The following HS6ST3 variants were observed in gnomAD, a reference collection of about 807,000 sequenced individuals.
HS6ST3 encodes heparan sulfate 6-O-sulfotransferase 3.
A neutral mutation model predicts 36.7 loss-of-function variants in HS6ST3; 12 were observed. The ratio of observed to expected loss-of-function variants is 0.33; its 90% CI spans 0.21 to 0.53. The LOEUF (loss-of-function observed/expected upper bound fraction) is 0.53, where lower values mean the gene tolerates loss of function less well. Among genes scored for constraint, HS6ST3 ranks in the 20% least tolerant of loss-of-function variants. HS6ST3 has a pLI of 0.95. For synonymous variants in HS6ST3, 240 were observed against 257.5 expected, an observed-to-expected ratio of 0.93 and a Z score of 0.65; for missense variants, 584 against 640.9, an observed-to-expected ratio of 0.91 and a Z score of 0.96.
chr13:96,205,318 A>G (rs1451445200), intron 1 of HS6ST3, among the ~76,000 whole-genome samples: 2 of 152,160 alleles, frequency 1.3e-5, no homozygotes, highest in East Asian at 3.9e-4. Flanking sequence ...CAAATTCTGA[A>G]ATTGAGACAG....
chr13:96,694,612 CCA>C (rs1191046567), intron 1 of HS6ST3, among the ~76,000 whole-genome samples: 1 of 152,126 alleles, frequency 6.6e-6, no homozygotes, highest in Non-Finnish European at 1.5e-5. Context: ...TGAAGAACTG[CCA>C]CACTGTTTTC....
intron 1 of HS6ST3, among the ~76,000 whole-genome samples, chr13:96,109,500 G>A (rs2053858069): frequency 6.6e-6 from 1 of 152,206 alleles, no homozygotes; most frequent in Non-Finnish European, 1.5e-5. Context: ...ATGTGTGCAA[G>A]GGAACTCATT....
intron 1 of HS6ST3, among the ~76,000 whole-genome samples, chr13:96,468,694 C>A (rs1429839899): frequency 1.3e-5 from 2 of 152,142 alleles, no homozygotes; most frequent in Non-Finnish European, 2.9e-5. Context: ...GAGAAATCTA[C>A]TATACGTATC....
intron 1 of HS6ST3, among the ~76,000 whole-genome samples, chr13:96,681,306 G>C (rs74321575): frequency 0.036 from 5,551 of 152,240 alleles, 153 homozygotes; most frequent in Non-Finnish European, 0.056. Context: ...GATGTAGACT[G>C]TTCTTTCTCT....
intron 1 of HS6ST3, among the ~76,000 whole-genome samples, chr13:96,801,695 G>A (rs56157530): frequency 0.088 from 13,404 of 152,078 alleles, 666 homozygotes; most frequent in Non-Finnish European, 0.12. Flanking sequence ...GACAGAGTCA[G>A]GATCCATCTC....
chr13:96,703,715 T>C (rs757523636), intron 1 of HS6ST3, among the ~76,000 whole-genome samples: 8 of 152,198 alleles, frequency 5.3e-5, no homozygotes, highest in Non-Finnish European at 1.0e-4. Flanking sequence ...AGCATGTTGA[T>C]ATTAGTCCTT....
intron 1 of HS6ST3, among the ~76,000 whole-genome samples, chr13:96,831,682 C>T (rs975355391): frequency 2.0e-5 from 3 of 152,182 alleles, no homozygotes; most frequent in East Asian, 3.9e-4. Flanking sequence ...CCAGCAGGCA[C>T]GCTGGCTCAT....
intron 1 of HS6ST3, among the ~76,000 whole-genome samples, chr13:96,306,036 A>G (rs1232885354): frequency 2.7e-5 from 4 of 150,808 alleles, no homozygotes; most frequent in Admixed American, 6.6e-5. Context: ...GGCTCAAGCA[A>G]TTCTCCCACC....
intron 1 of HS6ST3, among the ~76,000 whole-genome samples, chr13:96,252,950 C>A (rs1424638582): frequency 2.6e-5 from 4 of 152,120 alleles, no homozygotes; most frequent in Non-Finnish European, 5.9e-5. Flanking sequence ...CTAATTAAAC[C>A]TCTTTTCTTT....
At chr13:96,382,285 T>G (rs1925133) in intron 1 of HS6ST3, among the ~76,000 whole-genome samples, 51,423 of 152,074 alleles carry the variant, frequency 0.34, 9,401 homozygotes, top group Non-Finnish European at 0.42. Context: ...ACCATACTCT[T>G]TGACTGAGAA....
intron 1 of HS6ST3, among the ~76,000 whole-genome samples, chr13:96,632,029 G>A (rs1477565483): frequency 3.3e-5 from 5 of 152,110 alleles, no homozygotes; most frequent in South Asian, 2.1e-4. Context: ...AAACTTAGTG[G>A]CCAATGCATC....
At chr13:96,644,212 T>C (rs1594825676) in intron 1 of HS6ST3, among the ~76,000 whole-genome samples, 1 of 152,120 alleles carries the variant, frequency 6.6e-6, no homozygotes, top group Middle Eastern at 3.4e-3. Context: ...AAAATACTTT[T>C]TATTTTCCAC....
rs552902890 is a variant in HS6ST3, at chr13:96,388,231, C to T, written c.707+296662C>T. 3.3e-5 allele frequency among the ~76,000 whole-genome samples: 5 copies of T among 152,254 alleles called. No homozygotes were observed. In the South Asian group the frequency reaches 1.0e-3, roughly 32 times the overall value. On this transcript the variant is annotated intron_variant, in intron 1 of 1. Coordinates refer to ENST00000376705, the MANE Select transcript of HS6ST3 (RefSeq NM_153456.4). The stretch of plus-strand genomic sequence containing the variant: ...GCTATCCAGAATGAATCAAAACAAC[C>T]TTACTGAGTCATTTGAGTAATGAGT...
At chr13:96,806,712 A>G (rs192698572) in intron 1 of HS6ST3, among the ~76,000 whole-genome samples, 7 of 152,298 alleles carry the variant, frequency 4.6e-5, no homozygotes, top group African/African-American at 9.6e-5. Flanking sequence ...GTTGCTTTGT[A>G]AAGTGAAGCC....
At chr13:96,796,437 C>G (rs1877913605) in intron 1 of HS6ST3, among the ~76,000 whole-genome samples, 1 of 152,088 alleles carries the variant, frequency 6.6e-6, no homozygotes, top group Non-Finnish European at 1.5e-5. Flanking sequence ...GAGAGCAGCT[C>G]AGACTAGTGG....
At chr13:96,136,235 GTGTAT>G (rs1293185002) in intron 1 of HS6ST3, among the ~76,000 whole-genome samples, 1 of 152,044 alleles carries the variant, frequency 6.6e-6, no homozygotes, top group South Asian at 2.1e-4. Context: ...AAATTTTATT[GTGTAT>G]TGTATTAGTT....
chr13:96,343,431 C>T (rs771128285), intron 1 of HS6ST3, among the ~76,000 whole-genome samples: 149 of 152,112 alleles, frequency 9.8e-4, no homozygotes, highest in Non-Finnish European at 1.5e-3. Flanking sequence ...AAGTTGAGCC[C>T]TTCTCATATT....
At chr13:96,175,179 C>T (rs1034589640) in intron 1 of HS6ST3, among the ~76,000 whole-genome samples, 9 of 151,982 alleles carry the variant, frequency 5.9e-5, no homozygotes, top group African/African-American at 1.9e-4. Context: ...TGCCAATGTT[C>T]TTACGTTTGT....
At chr13:96,727,745 A>G (rs1229687352) in intron 1 of HS6ST3, among the ~76,000 whole-genome samples, 1 of 152,126 alleles carries the variant, frequency 6.6e-6, no homozygotes. Context: ...ATCACAGTCA[A>G]TTATTCAATC....
Sources: gnomAD v4.1 joint callset for allele counts (sites outside exome capture counted in the v4.1 genomes callset) on GRCh38, gnomAD v4.1.1 for gene constraint, MANE v1.5 for transcripts, NCBI Gene and HGNC (gene_info 2026-07-23, HGNC 2026-07-21) for gene names.